The following AK8 variants were observed in gnomAD, a reference collection of about 807,000 sequenced individuals.
The protein encoded by AK8 is adenylate kinase 8, also known as ATP-AMP transphosphorylase 8.
A neutral mutation model predicts 54.6 loss-of-function variants in AK8; 44 were observed. That is an observed-to-expected ratio of 0.81 (90% CI 0.63 to 1.04). AK8 has a LOEUF of 1.04. Ranked by LOEUF, AK8 falls within the 50% of genes least tolerant of loss-of-function variation. AK8 has a pLI of 0.00. For synonymous variants in AK8, 239 were observed against 245.6 expected (o/e 0.97, Z 0.25); for missense variants, 555 against 613.6 (o/e 0.90, Z 1.01).
In AK8 at chr9:132,826,968, T is replaced by A. The variant is rs1185219577; in HGVS notation, c.643A>T (p.Thr215Ser). The A allele has an allele frequency of 6.2e-7, 1 of 1,614,206 alleles. No homozygotes were observed. Among genetic ancestry groups the A allele is most frequent in the East Asian group, 2.2e-5 (1 of 44,892 alleles). Residue 215 changes from threonine to serine, a missense_variant, in exon 8 of 13, where the codon ACG becomes TCG. By Grantham distance (58) the Thr-to-Ser change is moderately conservative. Coordinates refer to ENST00000298545, the MANE Select transcript of AK8 (RefSeq NM_152572.3). The surrounding 1 kb of genome is among the most constrained non-coding windows in gnomAD (Gnocchi z 4.5). ...TGATACTCCAGCAGTTTCTGAGCCG[T>A]CTCCAGCTCTGAGATGTCCTCTGGC... Reference protein sequence around the residue: ...MVPEDISELETAQKLLEYHRN... With the variant: ...MVPEDISELESAQKLLEYHRN...
In AK8 at chr9:132,823,288, G is replaced by A. The variant is rs759147665; in HGVS notation, c.806C>T (p.Pro269Leu). ...SNHRTNAPFT[P>L]RVLLLGPVGS... ...CACAGGCCCGAGCAGCAGCACCCTC[G>A]GGGTGAACGGGGCATTAGTACGATG... The change falls in exon 9 of 13, where the codon CCG (proline) becomes CTG (leucine). Residue 269 changes from proline (P) to leucine (L), a missense_variant. Physicochemically the swap from Pro to Leu is moderately conservative, Grantham distance 98 (BLOSUM62 -3). Transcript: ENST00000298545. 7 of 1,613,504 alleles carry A rather than the reference G, an allele frequency of 4.3e-6. No homozygotes were observed. Among genetic ancestry groups the A allele is most frequent in the African/African-American group, 1.3e-5 (1 of 74,872 alleles).
chr9:132,845,093 C>T (rs1842694797), intron 5 of AK8, among the ~76,000 whole-genome samples: 1 of 152,196 alleles, frequency 6.6e-6, no homozygotes, highest in East Asian at 1.9e-4. Flanking sequence ...GCTACACTCC[C>T]AATCAAGGGG....
chr9:132,823,148 G>C (rs1031255426), intron 9 of AK8, 57 bp downstream of exon 9: 2 of 1,499,112 alleles, frequency 1.3e-6, no homozygotes, highest in African/African-American at 2.9e-5. Context: ...GGGGAGGAGG[G>C]GCAGGAGGCA....
intron 4 of AK8, among the ~76,000 whole-genome samples, chr9:132,861,044 G>A (rs531114207): frequency 6.6e-6 from 1 of 152,332 alleles, no homozygotes; most frequent in South Asian, 2.1e-4. Flanking sequence ...GCAGGGGATG[G>A]ATCCATGGGG....
At chr9:132,739,632 G>A (rs1416515800) in intron 11 of AK8, among the ~76,000 whole-genome samples, 1 of 151,238 alleles carries the variant, frequency 6.6e-6, no homozygotes, top group Non-Finnish European at 1.5e-5. Context: ...AGTGGCTCAT[G>A]CCTATAATCC....
chr9:132,743,875 G>A (rs2130986908), intron 11 of AK8, among the ~76,000 whole-genome samples: 1 of 152,256 alleles, frequency 6.6e-6, no homozygotes, highest in East Asian at 1.9e-4. Flanking sequence ...TGGACTCCAG[G>A]GCCATCTGAA....
At chr9:132,848,893 A>G (rs1168634102) in intron 5 of AK8, among the ~76,000 whole-genome samples, 2 of 149,678 alleles carry the variant, frequency 1.3e-5, no homozygotes, top group Non-Finnish European at 3.0e-5. Flanking sequence ...CTTTCTTCTA[A>G]CACTCCTGTT....
intron 11 of AK8, among the ~76,000 whole-genome samples, chr9:132,731,515 C>T (rs969476607): frequency 1.1e-4 from 16 of 152,194 alleles, no homozygotes; most frequent in South Asian, 2.1e-4. Flanking sequence ...ATACAGAAGG[C>T]GAACTGGTCT....
intron 11 of AK8, among the ~76,000 whole-genome samples, chr9:132,780,397 G>A (rs921102478): frequency 4.6e-5 from 7 of 152,070 alleles, no homozygotes; most frequent in Non-Finnish European, 7.4e-5. Context: ...CCCTCCCCTC[G>A]GCAGCTCTGT....
intron 11 of AK8, among the ~76,000 whole-genome samples, chr9:132,760,097 A>T (rs933864124): frequency 1.1e-4 from 16 of 152,188 alleles, no homozygotes; most frequent in African/African-American, 3.6e-4. Context: ...ATGCCTTTTA[A>T]TAAACTTACA....
chr9:132,791,725 T>C lies in AK8; in HGVS notation c.1121+909A>G, dbSNP rs1248051122. ...AGTTTGATGATGGTCAGACCATATA[T>C]AAAAAGAGAACTGGAACCCACAACC... On this transcript the variant is annotated intron_variant, in intron 11 of 12. Transcript: ENST00000298545. The surrounding 1 kb of genome is among the most constrained non-coding windows in gnomAD (Gnocchi z 4.0). 6.6e-6 allele frequency among the ~76,000 whole-genome samples: 1 copy of C among 152,142 alleles called. No individual in the cohort carries two copies. Among genetic ancestry groups the C allele is most frequent in the African/African-American group, 2.4e-5 (1 of 41,404 alleles).
chr9:132,808,294 T>C (rs138564700), intron 10 of AK8, among the ~76,000 whole-genome samples: 4 of 152,262 alleles, frequency 2.6e-5, no homozygotes, highest in Non-Finnish European at 5.9e-5. Flanking sequence ...GGAATAAATT[T>C]GTTCTGTTCA....
At chr9:132,727,383 C>T in intron 12 of AK8, 71 bp downstream of exon 12, 1 of 1,388,696 alleles carries the variant, frequency 7.2e-7, no homozygotes. Context: ...TCCACCATGG[C>T]ATTGGTCAGT....
intron 11 of AK8, among the ~76,000 whole-genome samples, chr9:132,730,048 T>C (rs1285517096): frequency 6.6e-6 from 1 of 152,186 alleles, no homozygotes; most frequent in Non-Finnish European, 1.5e-5. Context: ...TGCGTCATGT[T>C]AGGCGGGACT....
At position 132,749,981 on chromosome 9, in the gene AK8, CTAGAGATACTGACAGCACACTCT is replaced by C. The variant is rs1426144215; in HGVS notation, c.1122-22470_1122-22448del. Among the ~76,000 whole-genome samples, 682 of 150,390 alleles carry C rather than the reference CTAGAGATACTGACAGCACACTCT, an allele frequency of 4.5e-3. 9 individuals carry two copies. The highest frequency in any genetic ancestry group is 0.025 in the East Asian group (128 of 5,164). ...ACCTCGAGATACTGACAGCACACTC[CTAGAGATACTGACAGCACACTCT>C]TGGAGATACTGACAGCACACTTATA... is the stretch of plus-strand genomic sequence containing the variant. On this transcript the variant is annotated intron_variant, in intron 11 of 12. Coordinates refer to ENST00000298545, the MANE Select transcript of AK8 (RefSeq NM_152572.3).
chr9:132,823,775 ACGCTGGCTTTCTGCTAGGTGCACCTG>A (rs909160055), intron 8 of AK8, among the ~76,000 whole-genome samples: 4 of 152,234 alleles, frequency 2.6e-5, no homozygotes, highest in Non-Finnish European at 5.9e-5. Flanking sequence ...CTAGAAGTGC[ACGCTGGCTTTCTGCTAGGTGCACCTG>A]AATGTCAGAC....
chr9:132,814,718 C>T lies in AK8; in HGVS notation c.899G>A (p.Gly300Glu), dbSNP rs1422881836. 7 of 1,613,614 alleles carry T rather than the reference C, an allele frequency of 4.3e-6. No individual in the cohort carries two copies. Among genetic ancestry groups the T allele is most frequent in the Non-Finnish European group, 5.9e-6 (7 of 1,179,952 alleles). Residue 300 changes from glycine (G) to glutamate (E), a missense_variant, in exon 10 of 13, where the codon GGG (glycine) becomes GAG (glutamate). By Grantham distance (98) the Gly-to-Glu change is moderately conservative. Transcript: ENST00000298545. ...TGCCACAGCCTCTTTCAGCAGTTGC[C>T]CACAGCAGACTGAAGGAGAGGGGAA... ...QKYRLVNVCC[G>E]QLLKEAVADR... is the part of the protein sequence containing the mutation.
intron 11 of AK8, among the ~76,000 whole-genome samples, chr9:132,730,229 C>T (rs1167208857): frequency 2.0e-5 from 3 of 152,084 alleles, no homozygotes; most frequent in Admixed American, 6.6e-5. Flanking sequence ...ATGTGTTGAG[C>T]GGGCTGCCAA....
intron 11 of AK8, among the ~76,000 whole-genome samples, chr9:132,736,214 C>G (rs1474124264): frequency 7.5e-6 from 1 of 133,794 alleles, no homozygotes; most frequent in East Asian, 2.2e-4. Flanking sequence ...GAGACGAAGT[C>G]TCGCTCTTGT....
Sources: gnomAD v4.1 joint callset for allele counts (sites outside exome capture counted in the v4.1 genomes callset) on GRCh38, gnomAD v4.1.1 for gene constraint, Gnocchi (gnomAD v3.1) non-coding constraint, MANE v1.5 for transcripts, NCBI Gene and HGNC (gene_info 2026-07-23, HGNC 2026-07-21) for gene names.